CPA6: variants seen among roughly 807,000 people sequenced by gnomAD.
CPA6 encodes carboxypeptidase A6, also known as carboxypeptidase B.
A neutral mutation model predicts 63.3 loss-of-function variants in CPA6; 58 were observed. The ratio of observed to expected loss-of-function variants is 0.92; its 90% CI spans 0.74 to 1.14. CPA6 has a LOEUF of 1.14. Among genes scored for constraint, CPA6 ranks in the 50% most tolerant of loss-of-function variants. The probability of loss-of-function intolerance (pLI) is 0.00; values close to 1 mark genes in which losing one functional copy is unlikely to be tolerated. For synonymous variants in CPA6, 185 were observed against 179.0 expected (o/e 1.03, Z -0.27); for missense variants, 565 against 526.6 (o/e 1.07, Z -0.71).
intron 1 of CPA6, among the ~76,000 whole-genome samples, chr8:67,742,220 A>C (rs1347415873): frequency 6.7e-6 from 1 of 150,008 alleles, no homozygotes; most frequent in African/African-American, 2.4e-5. Context: ...TGCTTTTCTA[A>C]TAATGATTCA....
At chr8:67,496,516 A>C (rs2128963045) in intron 6 of CPA6, among the ~76,000 whole-genome samples, 1 of 87,890 alleles carries the variant, frequency 1.1e-5, no homozygotes, top group African/African-American at 5.8e-5. Context: ...ACCACTATAT[A>C]GTTTATATAT....
At chr8:67,639,313 T>C (rs2128989605) in intron 1 of CPA6, among the ~76,000 whole-genome samples, 1 of 151,586 alleles carries the variant, frequency 6.6e-6, no homozygotes, top group East Asian at 1.9e-4. Flanking sequence ...CTCCTTCTGT[T>C]CTCTCAGTCT....
intron 2 of CPA6, among the ~76,000 whole-genome samples, chr8:67,565,245 C>G (rs76394445): frequency 0.038 from 5,835 of 151,772 alleles, 194 homozygotes; most frequent in African/African-American, 0.095. Flanking sequence ...CAGAATCCTC[C>G]TCAAAACCCA....
chr8:67,715,952 G>A (rs1160312370), intron 1 of CPA6, among the ~76,000 whole-genome samples: 3 of 151,998 alleles, frequency 2.0e-5, no homozygotes, highest in Non-Finnish European at 4.4e-5. Flanking sequence ...TCAGGAGTTC[G>A]AGATCAGCCG....
chr8:67,480,378 A>G (rs889569939), intron 8 of CPA6, among the ~76,000 whole-genome samples: 8 of 151,914 alleles, frequency 5.3e-5, no homozygotes. Flanking sequence ...CCTGGCAACC[A>G]CGAATCTACT....
intron 8 of CPA6, among the ~76,000 whole-genome samples, chr8:67,436,398 TTTAA>T (rs1217636089): frequency 2.7e-5 from 4 of 150,498 alleles, no homozygotes; most frequent in Non-Finnish European, 5.9e-5. Context: ...TTTTTTTTTT[TTTAA>T]TAAAGAAAAG....
At chr8:67,666,903 G>A (rs937673533) in intron 1 of CPA6, among the ~76,000 whole-genome samples, 1 of 152,096 alleles carries the variant, frequency 6.6e-6, no homozygotes, top group Non-Finnish European at 1.5e-5. Context: ...AGAAATATTA[G>A]TTATTGCTAT....
chr8:67,549,126 ATTAAC>A (rs1024385849), intron 2 of CPA6, among the ~76,000 whole-genome samples: 21 of 152,348 alleles, frequency 1.4e-4, no homozygotes, highest in Middle Eastern at 3.4e-3. Context: ...GAATAAGAAA[ATTAAC>A]TTAGGAAGAG....
intron 2 of CPA6, among the ~76,000 whole-genome samples, chr8:67,523,178 C>T (rs1238393845): frequency 6.6e-6 from 1 of 152,152 alleles, no homozygotes; most frequent in African/African-American, 2.4e-5. Flanking sequence ...CTATAAATAG[C>T]ATATTTTAAA....
intron 1 of CPA6, among the ~76,000 whole-genome samples, chr8:67,720,069 C>T (rs1231589211): frequency 2.0e-5 from 3 of 150,812 alleles, no homozygotes; most frequent in Non-Finnish European, 2.9e-5. Context: ...AGAGAGTCAG[C>T]GAAGGGAGAT....
chr8:67,448,900 T>C (rs578076461), intron 8 of CPA6, among the ~76,000 whole-genome samples: 155 of 152,188 alleles, frequency 1.0e-3, no homozygotes, highest in Non-Finnish European at 2.1e-3. Flanking sequence ...GTCAGCATAA[T>C]TTATTAAATA....
intron 1 of CPA6, among the ~76,000 whole-genome samples, chr8:67,711,800 C>A (rs1017034933): frequency 1.3e-5 from 2 of 152,044 alleles, no homozygotes; most frequent in South Asian, 4.2e-4. Context: ...ACGAGCCATT[C>A]AGCATTGTAA....
chr8:67,540,044 G>T (rs761515132), intron 2 of CPA6, among the ~76,000 whole-genome samples: 1 of 152,116 alleles, frequency 6.6e-6, no homozygotes, highest in African/African-American at 2.4e-5. Context: ...TTCCCTTGCT[G>T]GTGAGGAGTT....
rs190110708 is a variant in CPA6, at chr8:67,668,499, C to T, written c.117-44248G>A. Among the ~76,000 whole-genome samples, 302 of 152,272 alleles carry T rather than the reference C, an allele frequency of 2.0e-3. 4 individuals are homozygous for T. Among genetic ancestry groups the T allele is most frequent in the Non-Finnish European group, 8.4e-4 (57 of 68,022 alleles). Reference sequence around the variant, plus strand: ...TTAGAATTATTTATAAAGGCAGAGCCAGCTCTTTCTTCATAGTTTAATAGC... The same window carrying T: ...TTAGAATTATTTATAAAGGCAGAGCTAGCTCTTTCTTCATAGTTTAATAGC... On this transcript the variant is annotated intron_variant, in intron 1 of 10. Transcript: ENST00000297770.
chr8:67,611,552 A>G (rs1176686336), intron 2 of CPA6, among the ~76,000 whole-genome samples: 1 of 151,274 alleles, frequency 6.6e-6, no homozygotes, highest in Non-Finnish European at 1.5e-5. Flanking sequence ...TTGCCTCTCA[A>G]TTCCAGATCT....
Position 67,522,492 on chromosome 8 carries a change from C to T in CPA6, c.193-4445G>A, listed in dbSNP as rs1260288452. On this transcript the variant is annotated intron_variant, in intron 2 of 10. Coordinates refer to ENST00000297770, the MANE Select transcript of CPA6 (RefSeq NM_020361.5). ...AGAAAAAACTGCTGGGTGTTAAATGCCCCCGTTCACCGAGTTGCAGGCGCA... is the reference window on the plus strand; with the variant it reads ...AGAAAAAACTGCTGGGTGTTAAATGTCCCCGTTCACCGAGTTGCAGGCGCA... Among the ~76,000 whole-genome samples, 5 of 152,320 alleles carry T rather than the reference C, an allele frequency of 3.3e-5. No homozygotes were observed. The East Asian group carries it at 7.7e-4, about 24-fold the overall frequency.
intron 9 of CPA6, among the ~76,000 whole-genome samples, chr8:67,430,447 A>C (rs1413814901): frequency 6.6e-6 from 1 of 152,056 alleles, no homozygotes; most frequent in African/African-American, 2.4e-5. Context: ...GGCCTCCCAA[A>C]ATAGTATATA....
At position 67,483,763 on chromosome 8, in the gene CPA6, C is replaced by T. The variant is rs1332656504; in HGVS notation, c.838+5G>A. On this transcript the variant is annotated splice_donor_5th_base_variant and intron_variant, in intron 8 of 10. Coordinates refer to ENST00000297770, the MANE Select transcript of CPA6 (RefSeq NM_020361.5). ...GATCTGGATCCCAGTTGGTCCCAAA[C>T]TTACCACACCACTTCACTTTCCAGT... 7 of 1,613,428 alleles carry T rather than the reference C, an allele frequency of 4.3e-6. No homozygotes were observed. The highest frequency in any genetic ancestry group is 5.9e-6 in the Non-Finnish European group (7 of 1,179,460).
chr8:67,635,361 T>C (rs1587657000), intron 1 of CPA6, among the ~76,000 whole-genome samples: 1 of 151,738 alleles, frequency 6.6e-6, no homozygotes, highest in Non-Finnish European at 1.5e-5. Flanking sequence ...GTGCCTTAAT[T>C]TGGGATTTAC....
Sources: gnomAD v4.1 joint callset for allele counts (sites outside exome capture counted in the v4.1 genomes callset) on GRCh38, gnomAD v4.1.1 for gene constraint, MANE v1.5 for transcripts, NCBI Gene and HGNC (gene_info 2026-07-23, HGNC 2026-07-21) for gene names.